Variants in ARHGAP15 observed in about 807,000 individuals in gnomAD.
The protein encoded by ARHGAP15 is Rho GTPase activating protein 15.
In ARHGAP15, 51 loss-of-function variants were observed where a neutral mutation model predicts 63.7. That is an observed-to-expected ratio of 0.80 (90% CI 0.64 to 1.01). ARHGAP15 has a LOEUF of 1.01. Ranked by LOEUF, ARHGAP15 falls within the 50% of genes least tolerant of loss-of-function variation. ARHGAP15 has a pLI of 0.00. For missense variants in ARHGAP15, 560 were observed against 564.6 expected, an observed-to-expected ratio of 0.99 and a Z score of 0.08; for synonymous variants, 191 against 193.8, an observed-to-expected ratio of 0.99 and a Z score of 0.12.
At chr2:143,286,723 A>AT (rs753016312) in intron 6 of ARHGAP15, among the ~76,000 whole-genome samples, 3 of 152,148 alleles carry the variant, frequency 2.0e-5, no homozygotes, top group Admixed American at 6.5e-5. Flanking sequence ...TAAATTTGTT[A>AT]TTTTTTTAAA....
chr2:143,433,210 T>G (rs1205067704), intron 6 of ARHGAP15, among the ~76,000 whole-genome samples: 1 of 152,050 alleles, frequency 6.6e-6, no homozygotes, highest in South Asian at 2.1e-4. Flanking sequence ...GAACCTGAAT[T>G]AAATGGGCTT....
intron 12 of ARHGAP15, among the ~76,000 whole-genome samples, chr2:143,643,696 A>G (rs1368913371): frequency 6.6e-6 from 1 of 152,090 alleles, no homozygotes; most frequent in African/African-American, 2.4e-5. Context: ...ACTATTTTGC[A>G]AAAGAATAAA....
At chr2:143,431,385 TTA>T (rs1346220392) in intron 6 of ARHGAP15, among the ~76,000 whole-genome samples, 3 of 152,102 alleles carry the variant, frequency 2.0e-5, no homozygotes, top group African/African-American at 7.2e-5. Context: ...CAAAATTACT[TTA>T]TGATAGTGGA....
intron 8 of ARHGAP15, among the ~76,000 whole-genome samples, chr2:143,478,241 A>G (rs1013988200): frequency 5.9e-5 from 9 of 152,154 alleles, no homozygotes; most frequent in Non-Finnish European, 1.3e-4. Flanking sequence ...TCTTATTGGC[A>G]ATCCAGAGAG....
intron 13 of ARHGAP15, among the ~76,000 whole-genome samples, chr2:143,724,769 T>G (rs914727904): frequency 3.9e-5 from 6 of 152,148 alleles, no homozygotes; most frequent in African/African-American, 1.2e-4. Flanking sequence ...CGGACAAGCA[T>G]AGTAAGAATA....
chr2:143,271,167 T>C (rs1681260474), intron 6 of ARHGAP15, among the ~76,000 whole-genome samples: 1 of 152,232 alleles, frequency 6.6e-6, no homozygotes. Context: ...AAGATTTTAA[T>C]TCTGCTACTG....
intron 13 of ARHGAP15, among the ~76,000 whole-genome samples, chr2:143,760,819 T>C (rs1220643489): frequency 1.3e-5 from 2 of 152,148 alleles, no homozygotes; most frequent in African/African-American, 4.8e-5. Flanking sequence ...TTTAGGATGA[T>C]AGTTGTTTTG....
intron 9 of ARHGAP15, among the ~76,000 whole-genome samples, chr2:143,494,311 T>C (rs566970428): frequency 1.6e-4 from 24 of 152,146 alleles, no homozygotes; most frequent in Non-Finnish European, 2.6e-4. Flanking sequence ...ATTTTAACTT[T>C]AGCAATCATG....
chr2:143,456,787 GTTA>G (rs1217168088), intron 8 of ARHGAP15, among the ~76,000 whole-genome samples: 1 of 151,430 alleles, frequency 6.6e-6, no homozygotes, highest in African/African-American at 2.4e-5. Flanking sequence ...AGTTTTATTT[GTTA>G]TTATATATAA....
chr2:143,715,069 A>T (rs889345871), intron 13 of ARHGAP15, among the ~76,000 whole-genome samples: 1 of 152,084 alleles, frequency 6.6e-6, no homozygotes, highest in African/African-American at 2.4e-5. Context: ...ATAAAGACAT[A>T]CTCAAGACTG....
At position 143,318,426 on chromosome 2, in the gene ARHGAP15, A is replaced by C. The variant is rs376727748; in HGVS notation, c.474+67826A>C. ...TGATTTAAGGCTCAAATGATTTAGCATAGCAGTCTTGGCAATTATGAATCT... is the reference window on the plus strand; with the variant it reads ...TGATTTAAGGCTCAAATGATTTAGCCTAGCAGTCTTGGCAATTATGAATCT... On this transcript the variant is annotated intron_variant, in intron 6 of 13. Transcript: ENST00000295095. Among the ~76,000 whole-genome samples the C allele has an allele frequency of 4.0e-5, 6 of 151,464 alleles. No homozygotes were observed. The East Asian group carries it at 5.8e-4, about 15-fold the overall frequency.
intron 11 of ARHGAP15, chr2:143,571,991 G>A (rs766852996): frequency 1.3e-5 from 2 of 152,178 alleles, no homozygotes; most frequent in Non-Finnish European, 2.9e-5. Flanking sequence ...ATCTCAACAG[G>A]AATTAGCTGC....
At position 143,299,305 on chromosome 2, in the gene ARHGAP15, T is replaced by G. The variant is rs776506063; in HGVS notation, c.474+48705T>G. ...AACCTCACCACTCTGAAAATTTGTT[T>G]GGGTTCTATTTTCCCAGTGAGTCAG... On this transcript the variant is annotated intron_variant, in intron 6 of 13. Transcript: ENST00000295095. Among the ~76,000 whole-genome samples, 66 of 152,098 alleles carry G rather than the reference T, an allele frequency of 4.3e-4. 1 individual carries two copies. The Middle Eastern group carries it at 0.01, about 24-fold the overall frequency.
At chr2:143,349,841 G>A (rs991305439) in intron 6 of ARHGAP15, among the ~76,000 whole-genome samples, 1 of 152,176 alleles carries the variant, frequency 6.6e-6, no homozygotes, top group Middle Eastern at 3.4e-3. Context: ...CAATTTCTCT[G>A]CTATAATATA....
chr2:143,609,354 G>T lies in ARHGAP15; in HGVS notation c.1004-14779G>T, dbSNP rs556875626. On this transcript the variant is annotated intron_variant, in intron 11 of 13. Transcript: ENST00000295095. ...ACATGCAGCATCTGGGCACAACAAG[G>T]CATGTTAAGAATGGAGTAGGCACTC... 7.2e-5 allele frequency among the ~76,000 whole-genome samples: 11 copies of T among 152,238 alleles called. No homozygotes were observed. In the South Asian group the frequency reaches 1.7e-3, roughly 23 times the overall value.
At chr2:143,222,950 G>A (rs1010328732) in intron 4 of ARHGAP15, among the ~76,000 whole-genome samples, 4 of 152,014 alleles carry the variant, frequency 2.6e-5, no homozygotes, top group African/African-American at 9.7e-5. Flanking sequence ...TATGTCAAAA[G>A]ATAAGATAAA....
chr2:143,339,492 C>T (rs1171763849), intron 6 of ARHGAP15, among the ~76,000 whole-genome samples: 2 of 151,942 alleles, frequency 1.3e-5, no homozygotes, highest in Non-Finnish European at 2.9e-5. Context: ...ATCAAGCAAA[C>T]CTACAAAAAG....
intron 5 of ARHGAP15, among the ~76,000 whole-genome samples, chr2:143,231,646 C>T (rs1019093825): frequency 2.0e-5 from 3 of 152,242 alleles, no homozygotes; most frequent in African/African-American, 7.2e-5. Context: ...TCCTTTCTCA[C>T]TGAAGTTCTT....
intron 6 of ARHGAP15, among the ~76,000 whole-genome samples, chr2:143,327,828 G>A (rs1684325626): frequency 2.0e-5 from 3 of 152,060 alleles, no homozygotes; most frequent in Non-Finnish European, 2.9e-5. Flanking sequence ...CTACAGAATG[G>A]GAGACAAGTT....
Sources: allele counts gnomAD v4.1 joint callset (sites outside exome capture counted in the v4.1 genomes callset), GRCh38; gene constraint gnomAD v4.1.1; transcripts MANE v1.5; gene names NCBI Gene and HGNC (gene_info 2026-07-23, HGNC 2026-07-21).